The following THTPA variants were observed in gnomAD, a reference collection of about 807,000 sequenced individuals.
The protein encoded by THTPA is thiamine triphosphatase, also known as thiamine-triphosphatase.
In THTPA, 16 loss-of-function variants were observed where a neutral mutation model predicts 16.5. The observed-to-expected ratio is 0.97, with a 90% CI of 0.66 to 1.47. The LOEUF is 1.47. Among genes scored for constraint, THTPA ranks in the 40% most tolerant of loss-of-function variants. The pLI, the probability that THTPA is intolerant of heterozygous loss-of-function variation, is 0.00. For missense variants in THTPA, 281 were observed against 280.9 expected (o/e 1.00, Z 0.00); for synonymous variants, 110 against 115.5 (o/e 0.95, Z 0.30).
rs758055303 is a variant in THTPA at position 23,560,011 on chromosome 14, G to A, written c.*1171G>A. The A allele has an allele frequency of 1.2e-6, 2 of 1,610,816 alleles. No homozygotes were observed. The highest frequency in any genetic ancestry group is 4.5e-5 in the East Asian group (2 of 44,856). ...CCGAGCTGGAACTGTGTTCCCACTG[G>A]GGGCCTGCAGCTGCAGCTGGAGACT... is the stretch of plus-strand genomic sequence containing the variant. On this transcript the variant is annotated 3_prime_UTR_variant, in exon 2 of 2. Transcript: ENST00000288014.
At chr14:23,522,817 G>A in the THTPA span, 3 of 1,535,830 alleles carry the variant, frequency 2.0e-6, no homozygotes, top group Admixed American at 3.9e-5. Context: ...CTGCTGTGGA[G>A]GTGTTGGTTT....
chr14:23,535,291 G>A, the THTPA span: 1 of 1,476,944 alleles, frequency 6.8e-7, no homozygotes, highest in Non-Finnish European at 9.0e-7. The surrounding 1 kb of genome is among the most constrained non-coding windows in gnomAD (Gnocchi z 4.5). Context: ...GGAGGGGGTG[G>A]TACCAGTGGT....
rs1010060005 is a variant in THTPA at position 23,556,486 on chromosome 14, G to T, written c.-272G>T. On this transcript the variant is annotated 5_prime_UTR_variant, in exon 1 of 2. Coordinates refer to ENST00000288014, the MANE Select transcript of THTPA (RefSeq NM_024328.6). ...CCCGCTACCCGGCCTGCTTTCTAGG[G>T]GTCTCTTTGGATTGAGGACATCAGC... 1.3e-5 allele frequency: 6 copies of T among 472,312 alleles called. No individual in the cohort carries two copies. In the Admixed American group the frequency reaches 1.5e-4, roughly 12 times the overall value. 29.3% of individuals were successfully genotyped at this position (472,312 alleles called of 1,614,324 possible).
chr14:23,514,293 A>T, the THTPA span: 1 of 152,378 alleles, frequency 6.6e-6, no homozygotes, highest in Admixed American at 6.5e-5. Context: ...GGAGAGTGGC[A>T]TGAAGACACA....
chr14:23,534,883 C>T, the THTPA span: 1 of 1,536,108 alleles, frequency 6.5e-7, no homozygotes, highest in South Asian at 1.2e-5. This position sits in a 1 kb window ranked among gnomAD's most constrained non-coding sequence, Gnocchi z 4.5. Context: ...TTCCTTGATG[C>T]CCGCCTCACC....
the THTPA span, chr14:23,520,951 T>C: frequency 3.9e-5 from 6 of 152,028 alleles, no homozygotes; most frequent in Non-Finnish European, 8.8e-5. This position sits in a 1 kb window ranked among gnomAD's most constrained non-coding sequence, Gnocchi z 8.7. Flanking sequence ...CTCTCTTTTG[T>C]GCGCGTGTGC....
chr14:23,533,223 A>G, the THTPA span: 28 of 1,435,460 alleles, frequency 2.0e-5, no homozygotes, highest in African/African-American at 2.9e-5. This position sits in a 1 kb window ranked among gnomAD's most constrained non-coding sequence, Gnocchi z 4.8. Flanking sequence ...TCCTTGGGAG[A>G]AAGCACGGAA....
the THTPA span, among the ~76,000 whole-genome samples, chr14:23,550,417 G>A: frequency 4.6e-5 from 7 of 152,218 alleles, no homozygotes; most frequent in Non-Finnish European, 7.3e-5. Context: ...ATCCTAGACC[G>A]ACAGAACAGG....
At chr14:23,522,915 C>T in the THTPA span, 7 of 1,459,776 alleles carry the variant, frequency 4.8e-6, no homozygotes, top group East Asian at 2.5e-5. Flanking sequence ...GTGGCGAGGC[C>T]GAGGAGGCCT....
At chr14:23,550,186 C>T in the THTPA span, among the ~76,000 whole-genome samples, 1 of 152,164 alleles carries the variant, frequency 6.6e-6, no homozygotes, top group Admixed American at 6.5e-5. Flanking sequence ...GGACAGTCAA[C>T]AATGCTAGGA....
chr14:23,523,375 G>A, the THTPA span: 35 of 1,490,168 alleles, frequency 2.3e-5, no homozygotes, highest in South Asian at 5.3e-5. The surrounding 1 kb of genome is among the most constrained non-coding windows in gnomAD (Gnocchi z 4.1). Flanking sequence ...GGGCCAAGTC[G>A]TAGCACTTGC....
At chr14:23,522,467 G>T in the THTPA span, 1 of 1,535,886 alleles carries the variant, frequency 6.5e-7, no homozygotes, top group Non-Finnish European at 8.7e-7. Context: ...AGGGGGCTGG[G>T]GTGGCGGCTG....
At chr14:23,552,308 T>C (rs937822075), upstream of THTPA, among the ~76,000 whole-genome samples, 5 of 150,632 alleles carry the variant, frequency 3.3e-5, no homozygotes, top group East Asian at 9.7e-4. Context: ...TTTTTTTTTT[T>C]CTGGAGACGG....
the THTPA span, among the ~76,000 whole-genome samples, chr14:23,515,143 G>C: frequency 6.6e-6 from 1 of 152,164 alleles, no homozygotes; most frequent in Non-Finnish European, 1.5e-5. Flanking sequence ...GACACCAGCT[G>C]TGTTGTTACC....
At chr14:23,522,635 G>A in the THTPA span, 1 of 1,535,444 alleles carries the variant, frequency 6.5e-7, no homozygotes. Context: ...AGGGGGCAAT[G>A]GAAAGGGCAG....
the THTPA span, among the ~76,000 whole-genome samples, chr14:23,535,661 C>T: frequency 1.3e-5 from 2 of 151,938 alleles, no homozygotes; most frequent in Admixed American, 6.6e-5. The surrounding 1 kb of genome is among the most constrained non-coding windows in gnomAD (Gnocchi z 4.5). Flanking sequence ...GGCGTGATCT[C>T]GGCTCACCGC....
At chr14:23,512,710 A>ATGTGTG in the THTPA span, 6 of 148,474 alleles carry the variant, frequency 4.0e-5, no homozygotes, top group Non-Finnish European at 8.9e-5. Flanking sequence ...AAAAATATAT[A>ATGTGTG]TGTGTGTGTG....
chr14:23,545,136 C>G, the THTPA span, among the ~76,000 whole-genome samples: 4 of 152,188 alleles, frequency 2.6e-5, no homozygotes, highest in Admixed American at 1.3e-4. Flanking sequence ...TCCCCTCCCC[C>G]ACATTGCCCT....
the THTPA span, among the ~76,000 whole-genome samples, chr14:23,536,954 A>ATGGTGAAACCC: frequency 0.98 from 148,422 of 151,718 alleles, 72,643 homozygotes; most frequent in East Asian, 1. Flanking sequence ...CCTGGCCAAC[A>ATGGTGAAACCC]TGGTGAAACC....
Sources: gnomAD v4.1 joint callset for allele counts (sites outside exome capture counted in the v4.1 genomes callset) on GRCh38, gnomAD v4.1.1 for gene constraint, Gnocchi (gnomAD v3.1) non-coding constraint, MANE v1.5 for transcripts, NCBI Gene and HGNC (gene_info 2026-07-23, HGNC 2026-07-21) for gene names.